Variants in NMT1 observed in about 807,000 individuals in gnomAD.
NMT1 encodes the protein N-myristoyltransferase 1.
NMT1 carries 12 observed loss-of-function variants against 63.4 expected under a neutral mutation model. The ratio of observed to expected loss-of-function variants is 0.19; its 90% CI spans 0.12 to 0.31. NMT1 has a LOEUF of 0.31. Among genes scored for constraint, NMT1 ranks in the 10% least tolerant of loss-of-function variants. The pLI, the probability that NMT1 is intolerant of heterozygous loss-of-function variation, is 1.00. For missense variants in NMT1, 432 were observed against 634.6 expected (o/e 0.68, Z 3.43); for synonymous variants, 228 against 234.3 (o/e 0.97, Z 0.25).
chr17:45,066,115 G>A (rs1424407544), intron 1 of NMT1, among the ~76,000 whole-genome samples: 1 of 152,056 alleles, frequency 6.6e-6, no homozygotes, highest in African/African-American at 2.4e-5. Context: ...GTGCTGTGGC[G>A]CGATCTTGGC....
rs1377763196 is a variant in NMT1, at chr17:45,108,209, T to TCCTCCCAG, written c.*2570_*2571insCCTCCCAG. On this transcript the variant is annotated 3_prime_UTR_variant, in exon 12 of 12. Transcript: ENST00000258960. ...TGCCACCCAGTCCTCCCAGCTGCCA[T>TCCTCCCAG]GTTTCAAAGACGACCTTTACCTCCT... 6.6e-6 allele frequency: 1 copy of TCCTCCCAG among 152,520 alleles called. No homozygotes were observed. The highest frequency in any genetic ancestry group is 6.5e-5 in the Admixed American group (1 of 15,292). 9.4% of individuals were successfully genotyped at this position (152,520 alleles called of 1,614,324 possible).
chr17:45,080,191 G>A lies in NMT1; in HGVS notation c.132-1453G>A, dbSNP rs535210017. 4.0e-5 allele frequency among the ~76,000 whole-genome samples: 6 copies of A among 148,360 alleles called. No homozygotes were observed. The East Asian group carries it at 8.0e-4, about 20-fold the overall frequency. Reference sequence around the variant, plus strand: ...CCTTTTTTTTTTGAGACGGAGTTTCGCTCTTGTTTCCCAGGCTGGAGTGCC... The same window carrying A: ...CCTTTTTTTTTTGAGACGGAGTTTCACTCTTGTTTCCCAGGCTGGAGTGCC... On this transcript the variant is annotated intron_variant, in intron 1 of 11. Coordinates refer to ENST00000258960, the MANE Select transcript of NMT1 (RefSeq NM_021079.5).
chr17:45,065,147 A>C (rs75344682), intron 1 of NMT1, among the ~76,000 whole-genome samples: 2 of 152,214 alleles, frequency 1.3e-5, no homozygotes. Flanking sequence ...CGAAATGCCT[A>C]GCACTTAGTG....
intron 8 of NMT1, 36 bp from the exon 9 acceptor site, chr17:45,102,915 G>A (rs1228200408): frequency 6.3e-7 from 1 of 1,580,694 alleles, no homozygotes; most frequent in Non-Finnish European, 8.6e-7. Context: ...AGGGTGATCA[G>A]CTCATCTCAC....
chr17:45,088,996 C>T (rs1350136618), intron 3 of NMT1, among the ~76,000 whole-genome samples: 2 of 152,164 alleles, frequency 1.3e-5, no homozygotes, highest in African/African-American at 4.8e-5. Context: ...TGTGTGGTGT[C>T]GGACTCCATG....
chr17:45,095,644 C>A (rs2054120408), intron 4 of NMT1, among the ~76,000 whole-genome samples: 1 of 152,060 alleles, frequency 6.6e-6, no homozygotes, highest in African/African-American at 2.4e-5. Flanking sequence ...TGGTAGTATG[C>A]CCCAGTAGTC....
At chr17:45,102,835 T>G (rs1598020357) in intron 8 of NMT1, 116 bp from the exon 9 acceptor site, 1 of 903,550 alleles carries the variant, frequency 1.1e-6, no homozygotes, top group Non-Finnish European at 1.7e-6. Context: ...TGCACGGGGG[T>G]GCAGGGAGCC....
intron 4 of NMT1, 41 bp from the exon 5 acceptor site, chr17:45,096,153 C>G: frequency 6.7e-7 from 1 of 1,492,942 alleles, no homozygotes; most frequent in Non-Finnish European, 9.4e-7. Context: ...GGTCTACTAC[C>G]TGGCAGAATA....
At chr17:45,079,860 T>C (rs1232891147) in intron 1 of NMT1, among the ~76,000 whole-genome samples, 2 of 151,226 alleles carry the variant, frequency 1.3e-5, no homozygotes, top group East Asian at 1.9e-4. Flanking sequence ...CCACCACGCC[T>C]GGCTAATTTT....
At chr17:45,096,034 C>T (rs780424006) in intron 4 of NMT1, among the ~76,000 whole-genome samples, 160 bp from the exon 5 acceptor site, 5 of 152,158 alleles carry the variant, frequency 3.3e-5, no homozygotes, top group Non-Finnish European at 5.9e-5. Flanking sequence ...GTGTTTGCTC[C>T]AAGAGTTCCT....
rs752105945 is a variant in NMT1 at position 45,061,354 on chromosome 17, G to C, written c.25G>C (p.Val9Leu). The change falls in exon 1 of 12, where the codon GTG (valine) becomes CTG (leucine). Residue 9 changes from valine to leucine, a missense_variant. Coordinates refer to ENST00000258960, the MANE Select transcript of NMT1 (RefSeq NM_021079.5). ...GATGGCGGACGAGAGTGAGACAGCAGTGAAGCCGCCGGCACCTCCGCTGCC... is the reference window on the plus strand; with the variant it reads ...GATGGCGGACGAGAGTGAGACAGCACTGAAGCCGCCGGCACCTCCGCTGCC... MADESETA[V>L]KPPAPPLPQM... is the part of the protein sequence containing the mutation. 1.9e-6 allele frequency: 3 copies of C among 1,614,002 alleles called. No homozygotes were observed. The highest frequency in any genetic ancestry group is 2.2e-5 in the East Asian group (1 of 44,878).
intron 3 of NMT1, among the ~76,000 whole-genome samples, chr17:45,090,401 G>GTTCTTCTTCA (rs10592246): frequency 6.6e-6 from 1 of 152,072 alleles, no homozygotes; most frequent in Non-Finnish European, 1.5e-5. Flanking sequence ...AGATCATGTC[G>GTTCTTCTTCA]TTCTTCTTTT....
At chr17:45,097,414 C>T (rs538833550) in intron 6 of NMT1, among the ~76,000 whole-genome samples, 170 bp downstream of exon 6, 1 of 152,264 alleles carries the variant, frequency 6.6e-6, no homozygotes, top group Admixed American at 6.5e-5. Context: ...ACCACCTGTT[C>T]TGCTCAGAGT....
intron 4 of NMT1, 110 bp downstream of exon 4, chr17:45,093,913 G>T (rs1820315182): frequency 1.2e-6 from 1 of 862,558 alleles, no homozygotes; most frequent in African/African-American, 1.7e-5. Flanking sequence ...CTGAGCCAAG[G>T]AGGTCTGAAC....
rs892112762 is a variant in NMT1, at chr17:45,105,061, C to T, written c.1470+65C>T. On this transcript the variant is annotated intron_variant, in intron 11 of 11. Transcript: ENST00000258960. The surrounding 1 kb of genome is among the most constrained non-coding windows in gnomAD (Gnocchi z 4.2). The stretch of plus-strand genomic sequence containing the variant: ...GGGTGTCCATGTCTCCAGCAGAAAC[C>T]GGGCCATGGGTTGAGGAGACAGCCG... The T allele has an allele frequency of 1.4e-5, 22 of 1,603,074 alleles. No individual in the cohort carries two copies. Among genetic ancestry groups the T allele is most frequent in the East Asian group, 2.2e-5 (1 of 44,766 alleles).
chr17:45,061,772 C>T (rs1398912147), intron 1 of NMT1: 2 of 279,884 alleles, frequency 7.1e-6, no homozygotes, highest in South Asian at 4.7e-5. Flanking sequence ...CAACACAGGA[C>T]AGTCTAGTAA....
At position 45,063,091 on chromosome 17, in the gene NMT1, A is replaced by G. The variant is rs113452530; in HGVS notation, c.131+1631A>G. On this transcript the variant is annotated intron_variant, in intron 1 of 11. Transcript: ENST00000258960. ...GTGGTGGCGGGCGCCTGTAGTCCCA[A>G]CTACTCGGGAGGCTAAGGCAGGAGA... 6.7e-3 allele frequency among the ~76,000 whole-genome samples: 1,009 copies of G among 151,518 alleles called. 12 individuals carry two copies. The highest frequency in any genetic ancestry group is 0.024 in the African/African-American group (978 of 41,286).
At chr17:45,102,830 G>A in intron 8 of NMT1, 121 bp from the exon 9 acceptor site, 3 of 819,642 alleles carry the variant, frequency 3.7e-6, no homozygotes, top group East Asian at 2.7e-5. Context: ...AGATATGCAC[G>A]GGGGTGCAGG....
intron 1 of NMT1, among the ~76,000 whole-genome samples, chr17:45,075,710 C>T (rs1260573289): frequency 6.6e-6 from 1 of 151,636 alleles, no homozygotes; most frequent in Middle Eastern, 3.2e-3. Context: ...GCGGAGGTTG[C>T]AGTGAGCTGA....
Sources: gnomAD v4.1 joint callset for allele counts (sites outside exome capture counted in the v4.1 genomes callset) on GRCh38, gnomAD v4.1.1 for gene constraint, Gnocchi (gnomAD v3.1) non-coding constraint, MANE v1.5 for transcripts, NCBI Gene and HGNC (gene_info 2026-07-23, HGNC 2026-07-21) for gene names.